HSD17B14: variants seen among roughly 807,000 people sequenced by gnomAD.
The protein encoded by HSD17B14 is hydroxysteroid 17-beta dehydrogenase 14, also known as L-fucose dehydrogenase.
Under a neutral mutation model 32.2 loss-of-function variants are expected in HSD17B14, and 32 were observed. The observed-to-expected ratio is 0.99, with a 90% CI of 0.75 to 1.33. The LOEUF is 1.33. HSD17B14 is among the 40% of genes most tolerant of loss of function. HSD17B14 has a pLI of 0.00. For missense variants in HSD17B14, 370 were observed against 366.5 expected, an observed-to-expected ratio of 1.01 and a Z score of -0.08; for synonymous variants, 140 against 155.4, an observed-to-expected ratio of 0.90 and a Z score of 0.74.
chr19:48,814,349 G>A (rs922432204), intron 6 of HSD17B14, among the ~76,000 whole-genome samples: 4 of 150,900 alleles, frequency 2.7e-5, no homozygotes, highest in East Asian at 2.0e-4. Flanking sequence ...GTGAAATCTC[G>A]TCTCTACTAA....
intron 5 of HSD17B14, among the ~76,000 whole-genome samples, chr19:48,828,876 A>G (rs1253704450): frequency 6.6e-6 from 1 of 152,002 alleles, no homozygotes; most frequent in Non-Finnish European, 1.5e-5. Context: ...CCTGGCCAAC[A>G]TGGTGAAACC....
At chr19:48,825,048 G>A (rs1241070998) in intron 5 of HSD17B14, among the ~76,000 whole-genome samples, 1 of 151,810 alleles carries the variant, frequency 6.6e-6, no homozygotes, top group Non-Finnish European at 1.5e-5. Flanking sequence ...GACCAGCCTG[G>A]CCAACATGAT....
chr19:48,824,323 C>T (rs1032950630), intron 5 of HSD17B14, among the ~76,000 whole-genome samples: 7 of 125,572 alleles, frequency 5.6e-5, no homozygotes, highest in South Asian at 2.5e-4. Context: ...AGCTACTCGG[C>T]GGGCTGAGAG....
In HSD17B14 at chr19:48,826,777, G is replaced by A. The variant is rs184384454; in HGVS notation, c.369+4891C>T. Among the ~76,000 whole-genome samples the A allele has an allele frequency of 6.0e-3, 916 of 151,618 alleles. 12 individuals are homozygous for A. The highest frequency in any genetic ancestry group is 0.021 in the African/African-American group (871 of 41,390). On this transcript the variant is annotated intron_variant, in intron 5 of 8. Transcript: ENST00000263278. ...CAGAGTCAGCACCTGAAGCTCCCTG[G>A]ACACTGGGCCCGCCCCCAGGCCTCT...
chr19:48,816,834 C>CTTTCTTTTCTT (rs2035065464), intron 5 of HSD17B14, among the ~76,000 whole-genome samples: 8 of 36,650 alleles, frequency 2.2e-4, no homozygotes, highest in Non-Finnish European at 2.4e-4. Context: ...TTTTCTTTCT[C>CTTTCTTTTCTT]TCTCTCTCTC....
intron 5 of HSD17B14, among the ~76,000 whole-genome samples, chr19:48,822,518 ATGG>A (rs1440249721): frequency 3.0e-4 from 43 of 145,712 alleles, no homozygotes; most frequent in Admixed American, 1.5e-3. Flanking sequence ...GACGATGGTG[ATGG>A]TGATGACTGT....
At chr19:48,834,588 A>G (rs112361259) in intron 2 of HSD17B14, among the ~76,000 whole-genome samples, 17 of 38,190 alleles carry the variant, frequency 4.5e-4, no homozygotes, top group Admixed American at 1.5e-3. Context: ...GGGTCCGAGG[A>G]AGTAGGGCCT....
intron 5 of HSD17B14, among the ~76,000 whole-genome samples, chr19:48,827,045 C>CTTT (rs770386507): frequency 7.0e-6 from 1 of 143,324 alleles, no homozygotes; most frequent in African/African-American, 2.5e-5. Context: ...TAAAACCCCA[C>CTTT]TTTTTTTTTT....
intron 3 of HSD17B14, among the ~76,000 whole-genome samples, chr19:48,833,907 T>C (rs1361430480): frequency 1.3e-5 from 2 of 151,888 alleles, no homozygotes; most frequent in Non-Finnish European, 2.9e-5. Context: ...GGAGAATGGC[T>C]TGAACTCGGT....
rs1171113032 is a variant in HSD17B14 at position 48,832,648 on chromosome 19, T to C, written c.277+18A>G. 7.5e-6 allele frequency: 12 copies of C among 1,610,050 alleles called. No homozygotes were observed. Among genetic ancestry groups the C allele is most frequent in the African/African-American group, 1.3e-5 (1 of 74,696 alleles). On this transcript the variant is annotated intron_variant, in intron 4 of 8. Transcript: ENST00000263278. Reference sequence around the variant, plus strand: ...GGGGGCAGGAGGTGGAGAATGGCCCTGGGGTCTCACAACTCACGGTGGCCA... The same window carrying C: ...GGGGGCAGGAGGTGGAGAATGGCCCCGGGGTCTCACAACTCACGGTGGCCA...
chr19:48,827,914 A>G (rs2081065), intron 5 of HSD17B14, among the ~76,000 whole-genome samples: 35,744 of 137,774 alleles, frequency 0.26, 4,333 homozygotes, highest in Middle Eastern at 0.33. Context: ...GAGTGCAGTG[A>G]TGCAATCTCG....
intron 5 of HSD17B14, among the ~76,000 whole-genome samples, chr19:48,831,169 C>T (rs1385095281): frequency 2.6e-5 from 4 of 152,132 alleles, no homozygotes; most frequent in African/African-American, 9.7e-5. Context: ...CTACCACCAC[C>T]AGTCTGGAAG....
chr19:48,822,031 G>GTGATGGTGATGATTGTGGTGA (rs1203240430), intron 5 of HSD17B14, among the ~76,000 whole-genome samples: 1 of 151,598 alleles, frequency 6.6e-6, no homozygotes, highest in Non-Finnish European at 1.5e-5. Context: ...GGTGATGGTG[G>GTGATGGTGATGATTGTGGTGA]TGATGGTGAT....
intron 3 of HSD17B14, among the ~76,000 whole-genome samples, chr19:48,833,718 C>T (rs779624511): frequency 5.9e-5 from 9 of 151,918 alleles, no homozygotes; most frequent in East Asian, 1.9e-4. Flanking sequence ...CTCAGCTACT[C>T]GGGAGGCTGA....
rs2035338361 is a variant in HSD17B14 at position 48,831,703 on chromosome 19, C to T, written c.334G>A (p.Glu112Lys). The T allele has an allele frequency of 6.2e-7, 1 of 1,613,914 alleles. No homozygotes were observed. The highest frequency in any genetic ancestry group is 1.3e-5 in the African/African-American group (1 of 74,988). ...TSAQGFRQLLELNLLGTYTLT... is the reference protein window; with the variant it reads ...TSAQGFRQLLKLNLLGTYTLT... Reference sequence around the variant, plus strand: ...GTGTACGTCCCCAGTAGGTTCAGCTCCAGCAGCTGGCGGAATCCCTGGGCA... The same window carrying T: ...GTGTACGTCCCCAGTAGGTTCAGCTTCAGCAGCTGGCGGAATCCCTGGGCA... Residue 112 changes from glutamate (E) to lysine (K), a missense_variant, in exon 5 of 9, where the codon GAG (glutamate) becomes AAG (lysine). Physicochemically the swap from Glu to Lys is moderately conservative, Grantham distance 56 (BLOSUM62 1). Coordinates refer to ENST00000263278, the MANE Select transcript of HSD17B14 (RefSeq NM_016246.3).
At chr19:48,816,744 G>A (rs1161317961) in intron 5 of HSD17B14, among the ~76,000 whole-genome samples, 1 of 148,808 alleles carries the variant, frequency 6.7e-6, no homozygotes, top group East Asian at 2.0e-4. Context: ...GAACCCAGGT[G>A]TTTGAGGCCA....
intron 5 of HSD17B14, among the ~76,000 whole-genome samples, chr19:48,819,685 C>T (rs576457599): frequency 6.6e-6 from 1 of 152,300 alleles, no homozygotes; most frequent in South Asian, 2.1e-4. Flanking sequence ...CTGAACGGGC[C>T]AGCCTCCAGG....
chr19:48,826,528 A>AAAAAAAAAAATAT (rs777368104), intron 5 of HSD17B14, among the ~76,000 whole-genome samples: 2 of 23,096 alleles, frequency 8.7e-5, no homozygotes, highest in African/African-American at 2.3e-4. Context: ...AAAAGAAGAA[A>AAAAAAAAAAATAT]ATATATATAT....
intron 3 of HSD17B14, 60 bp from the exon 4 acceptor site, chr19:48,832,792 C>A (rs1367356102): frequency 1.4e-6 from 2 of 1,423,518 alleles, no homozygotes; most frequent in Non-Finnish European, 2.0e-6. Context: ...TCCCTCTTGT[C>A]ACTCAGGCTG....
Sources: allele counts gnomAD v4.1 joint callset (sites outside exome capture counted in the v4.1 genomes callset), GRCh38; gene constraint gnomAD v4.1.1; transcripts MANE v1.5; gene names NCBI Gene and HGNC (gene_info 2026-07-23, HGNC 2026-07-21).